The following PTPRT variants were observed in gnomAD, a reference collection of about 807,000 sequenced individuals.
PTPRT encodes the protein receptor-type tyrosine-protein phosphatase T.
In PTPRT, 56 loss-of-function variants were observed where a neutral mutation model predicts 176.8. The observed-to-expected ratio is 0.32, with a 90% CI of 0.26 to 0.40. The LOEUF (loss-of-function observed/expected upper bound fraction) is 0.40, where lower values mean the gene tolerates loss of function less well. Among genes scored for constraint, PTPRT ranks in the 10% least tolerant of loss-of-function variants. The pLI is 1.00. For synonymous variants in PTPRT, 783 were observed against 739.0 expected, an observed-to-expected ratio of 1.06 and a Z score of -0.96; for missense variants, 1,540 against 1,908.2, an observed-to-expected ratio of 0.81 and a Z score of 3.60.
chr20:42,538,812 C>A (rs1280537917), intron 7 of PTPRT, among the ~76,000 whole-genome samples: 1 of 152,166 alleles, frequency 6.6e-6, no homozygotes, highest in Non-Finnish European at 1.5e-5. Flanking sequence ...AGAACTTCTT[C>A]CTGCCCACTC....
chr20:42,096,780 T>C (rs531873794), intron 27 of PTPRT, among the ~76,000 whole-genome samples: 5,733 of 132,286 alleles, frequency 0.043, 203 homozygotes, highest in Middle Eastern at 0.078. Context: ...TTTTTTTTTT[T>C]GTAGAGACAG....
chr20:42,427,661 T>G (rs1458615515), intron 9 of PTPRT, among the ~76,000 whole-genome samples: 1 of 152,180 alleles, frequency 6.6e-6, no homozygotes, highest in African/African-American at 2.4e-5. Flanking sequence ...TTAATACCAC[T>G]GTCAGGCCTC....
At chr20:42,705,169 C>T (rs114490505) in intron 6 of PTPRT, among the ~76,000 whole-genome samples, 3,308 of 152,234 alleles carry the variant, frequency 0.022, 128 homozygotes, top group African/African-American at 0.075. Flanking sequence ...TGCACTACTG[C>T]ACCCCAGCAT....
At chr20:42,741,011 A>C (rs186667233) in intron 6 of PTPRT, among the ~76,000 whole-genome samples, 1 of 152,318 alleles carries the variant, frequency 6.6e-6, no homozygotes, top group African/African-American at 2.4e-5. Context: ...ATGCTGGAGA[A>C]AGGATAAAGA....
intron 13 of PTPRT, among the ~76,000 whole-genome samples, chr20:42,251,886 G>C (rs1242166008): frequency 6.6e-6 from 1 of 152,144 alleles, no homozygotes; most frequent in Non-Finnish European, 1.5e-5. Context: ...CACCATTTAA[G>C]TGTTATTCAA....
At chr20:42,983,565 C>G (rs1419051325) in intron 1 of PTPRT, among the ~76,000 whole-genome samples, 2 of 152,202 alleles carry the variant, frequency 1.3e-5, no homozygotes, top group Non-Finnish European at 2.9e-5. Context: ...GCACATGACA[C>G]CAGCACAGAA....
intron 7 of PTPRT, among the ~76,000 whole-genome samples, chr20:42,656,361 G>A (rs1407413246): frequency 1.3e-5 from 2 of 152,120 alleles, no homozygotes; most frequent in African/African-American, 2.4e-5. Context: ...CGCCAGTAAG[G>A]GAGAGAATGG....
chr20:42,561,350 G>A (rs1392785237), intron 7 of PTPRT, among the ~76,000 whole-genome samples: 1 of 152,202 alleles, frequency 6.6e-6, no homozygotes, highest in Admixed American at 6.5e-5. Flanking sequence ...GACTCTAGAA[G>A]GCAGCAGGGA....
chr20:43,078,268 AC>A (rs1474992201), intron 1 of PTPRT, among the ~76,000 whole-genome samples: 1 of 152,218 alleles, frequency 6.6e-6, no homozygotes, highest in African/African-American at 2.4e-5. Flanking sequence ...TGGTTTTGGC[AC>A]CAGTGTCTTG....
intron 22 of PTPRT, among the ~76,000 whole-genome samples, chr20:42,111,825 C>T (rs1453415704): frequency 6.6e-6 from 1 of 152,166 alleles, no homozygotes; most frequent in Non-Finnish European, 1.5e-5. Flanking sequence ...CTTAATCATT[C>T]TAATATAGTG....
chr20:42,345,392 C>CATAT (rs1555829306), intron 11 of PTPRT, among the ~76,000 whole-genome samples: 3 of 130,268 alleles, frequency 2.3e-5, no homozygotes, highest in African/African-American at 8.4e-5. Flanking sequence ...CACACACACA[C>CATAT]ATATATATAT....
chr20:43,127,186 G>T (rs1392758178), intron 1 of PTPRT, among the ~76,000 whole-genome samples: 3 of 152,124 alleles, frequency 2.0e-5, no homozygotes, highest in Non-Finnish European at 4.4e-5. Flanking sequence ...CACTTTGGGA[G>T]GCAAAGGCGG....
chr20:42,307,286 C>T (rs1054881761), intron 12 of PTPRT, among the ~76,000 whole-genome samples: 1 of 152,144 alleles, frequency 6.6e-6, no homozygotes, highest in African/African-American at 2.4e-5. Context: ...TTTTCTTTCT[C>T]AGACTTGGTG....
chr20:43,085,024 G>A (rs1440098339), intron 1 of PTPRT, among the ~76,000 whole-genome samples: 2 of 152,304 alleles, frequency 1.3e-5, no homozygotes, highest in East Asian at 1.9e-4. Flanking sequence ...GTGATGATTA[G>A]ATACCAAAGC....
At chr20:42,088,279 G>A (rs1375596207) in intron 27 of PTPRT, among the ~76,000 whole-genome samples, 2 of 152,166 alleles carry the variant, frequency 1.3e-5, no homozygotes, top group Non-Finnish European at 2.9e-5. Flanking sequence ...TCCTCAGCGG[G>A]GGTCTGGTTC....
chr20:42,601,901 G>A (rs8114527), intron 7 of PTPRT, among the ~76,000 whole-genome samples: 37,924 of 151,950 alleles, frequency 0.25, 5,089 homozygotes, highest in Non-Finnish European at 0.3. Context: ...ACTGTCAGGC[G>A]GAGGTCTGTG....
chr20:43,167,850 G>C (rs987017772), intron 1 of PTPRT, among the ~76,000 whole-genome samples: 1 of 152,168 alleles, frequency 6.6e-6, no homozygotes, highest in Non-Finnish European at 1.5e-5. Flanking sequence ...GTTGGAAACA[G>C]ATCCTTCCCT....
Position 42,595,068 on chromosome 20 carries a change from A to G in PTPRT, c.1153+82798T>C, listed in dbSNP as rs111460774. ...GGGGGTGAACCTAGGGGCTCGTACC[A>G]CTTGGGGCTGCGTTGTCACTCCTGT... On this transcript the variant is annotated intron_variant, in intron 7 of 30. Transcript: ENST00000373187. Among the ~76,000 whole-genome samples, 962 of 152,242 alleles carry G rather than the reference A, an allele frequency of 6.3e-3. 16 individuals are homozygous for G. Among genetic ancestry groups the G allele is most frequent in the African/African-American group, 0.022 (907 of 41,554 alleles).
intron 1 of PTPRT, among the ~76,000 whole-genome samples, chr20:42,930,638 A>G (rs1267888637): frequency 6.6e-6 from 1 of 151,924 alleles, no homozygotes; most frequent in African/African-American, 2.4e-5. Flanking sequence ...ACAGGCCACC[A>G]TGCCTGGCTT....
Sources: gnomAD v4.1 joint callset for allele counts (sites outside exome capture counted in the v4.1 genomes callset) on GRCh38, gnomAD v4.1.1 for gene constraint, MANE v1.5 for transcripts, NCBI Gene and HGNC (gene_info 2026-07-23, HGNC 2026-07-21) for gene names.